Variants in ASCC3 observed in about 807,000 individuals in gnomAD.
ASCC3 encodes the protein activating signal cointegrator 1 complex subunit 3.
A neutral mutation model predicts 256.3 loss-of-function variants in ASCC3; 158 were observed. The observed-to-expected ratio is 0.62, with a 90% confidence interval of 0.54 to 0.70. ASCC3 has a LOEUF of 0.70. ASCC3 is among the 30% of genes least tolerant of loss of function. ASCC3 has a pLI of 0.00. For missense variants in ASCC3, 2,259 were observed against 2,626.0 expected, an observed-to-expected ratio of 0.86 and a Z score of 3.05; for synonymous variants, 948 against 883.4, an observed-to-expected ratio of 1.07 and a Z score of -1.30.
chr6:100,608,435 A>AC lies in ASCC3; in HGVS notation c.4786-1348dup, dbSNP rs1773128651. Reference sequence around the variant, plus strand: ...TACCTTATATATATTTTATATATATACTTTATATATATTTTATATATATAT... The same window carrying AC: ...TACCTTATATATATTTTATATATATACCTTTATATATATTTTATATATATAT... On this transcript the variant is annotated intron_variant, in intron 30 of 41. Transcript: ENST00000369162. 9.8e-5 allele frequency among the ~76,000 whole-genome samples: 6 copies of AC among 61,018 alleles called. 1 individual carries two copies. Among genetic ancestry groups the AC allele is most frequent in the African/African-American group, 4.2e-4 (5 of 11,808 alleles). The allele number at this position is 61,018 out of a possible 152,430, so 40.0% of individuals were successfully genotyped here.
At chr6:100,805,615 C>A in intron 5 of ASCC3, 145 bp downstream of exon 5, 1 of 1,021,436 alleles carries the variant, frequency 9.8e-7, no homozygotes, top group Non-Finnish European at 1.4e-6. Context: ...TCATAATATG[C>A]CATATCTAAA....
chr6:100,589,659 G>T lies in ASCC3; in HGVS notation c.5525C>A (p.Thr1842Asn), dbSNP rs772272454. ...ACTTAGAATTGAAAGCAGTTCTTCA[G>T]TACTGCATTCAGGCTTCAAGCGGTC... ...FKDRLKPECS[T>N]EELLSILSDA... The change falls in exon 36 of 42, where the codon ACT (threonine) becomes AAT (asparagine). Residue 1842 changes from threonine (T) to asparagine (N), a missense_variant. Thr to Asn is a moderately conservative substitution (Grantham distance 65). Around this residue, in one of 2 missense-constraint regions of ASCC3, gnomAD observed 1,839 missense variants for 2,206.7 expected, o/e 0.83. Transcript: ENST00000369162. 13 of 1,613,620 alleles carry T rather than the reference G, an allele frequency of 8.1e-6. No individual in the cohort carries two copies. The highest frequency in any genetic ancestry group is 1.1e-5 in the Non-Finnish European group (13 of 1,179,776).
chr6:100,674,935 A>G (rs1256229132), intron 14 of ASCC3, among the ~76,000 whole-genome samples: 1 of 152,084 alleles, frequency 6.6e-6, no homozygotes, highest in Non-Finnish European at 1.5e-5. Context: ...ACTGGCCACA[A>G]AAATCTTAAA....
chr6:100,524,102 A>T (rs1449700733), intron 37 of ASCC3, among the ~76,000 whole-genome samples: 1 of 152,160 alleles, frequency 6.6e-6, no homozygotes, highest in East Asian at 1.9e-4. Flanking sequence ...ATGGTAAACA[A>T]ATGATGAAGT....
intron 1 of ASCC3, among the ~76,000 whole-genome samples, chr6:100,876,515 A>T (rs1156666260): frequency 6.6e-6 from 1 of 152,228 alleles, no homozygotes; most frequent in African/African-American, 2.4e-5. Flanking sequence ...GATAAGGGTT[A>T]TTAAGTGCTT....
At chr6:100,753,551 G>C (rs372699956) in intron 10 of ASCC3, among the ~76,000 whole-genome samples, 1 of 151,116 alleles carries the variant, frequency 6.6e-6, no homozygotes, top group African/African-American at 2.4e-5. Context: ...GCCTAAGCTG[G>C]AGTGCAGTGG....
At chr6:100,775,084 T>C (rs973619337) in intron 8 of ASCC3, among the ~76,000 whole-genome samples, 2 of 152,148 alleles carry the variant, frequency 1.3e-5, no homozygotes, top group African/African-American at 4.8e-5. Context: ...ATTTACCAAG[T>C]TACTAAATGA....
chr6:100,540,136 C>T, intron 37 of ASCC3, 27 bp downstream of exon 37: 3 of 1,571,168 alleles, frequency 1.9e-6, no homozygotes, highest in Non-Finnish European at 2.6e-6. Flanking sequence ...AGAAAACACA[C>T]ATAGGTATTA....
At chr6:100,629,383 G>A (rs1207609322) in intron 26 of ASCC3, among the ~76,000 whole-genome samples, 1 of 151,966 alleles carries the variant, frequency 6.6e-6, no homozygotes, top group Non-Finnish European at 1.5e-5. Flanking sequence ...ATAAAATGAA[G>A]GTCATATAAA....
chr6:100,875,955 AT>A (rs1356974141), intron 1 of ASCC3, among the ~76,000 whole-genome samples: 1 of 152,222 alleles, frequency 6.6e-6, no homozygotes, highest in Non-Finnish European at 1.5e-5. Flanking sequence ...AAATACTGAA[AT>A]AATGTGGTTT....
intron 1 of ASCC3, among the ~76,000 whole-genome samples, chr6:100,873,926 G>A (rs1773866012): frequency 6.6e-6 from 1 of 152,116 alleles, no homozygotes; most frequent in Middle Eastern, 3.2e-3. Flanking sequence ...AGCTCCCTGA[G>A]ATCTTATCAA....
intron 4 of ASCC3, among the ~76,000 whole-genome samples, chr6:100,828,648 A>G (rs946188467): frequency 4.6e-5 from 7 of 151,968 alleles, no homozygotes; most frequent in South Asian, 2.1e-4. Context: ...TGAGTGTTAC[A>G]GCTCTTAAGG....
chr6:100,605,443 T>C, intron 33 of ASCC3, 125 bp downstream of exon 33: 1 of 711,378 alleles, frequency 1.4e-6, no homozygotes, highest in Non-Finnish European at 2.3e-6. Context: ...AATTATATTG[T>C]TTCACATTAT....
chr6:100,708,674 C>T (rs1018322610), intron 13 of ASCC3, among the ~76,000 whole-genome samples: 20 of 152,036 alleles, frequency 1.3e-4, no homozygotes, highest in Non-Finnish European at 2.4e-4. Context: ...ACACACCCTC[C>T]ATCCCCCAAA....
chr6:100,518,640 A>C (rs1774153448), intron 37 of ASCC3, among the ~76,000 whole-genome samples: 1 of 152,126 alleles, frequency 6.6e-6, no homozygotes, highest in Admixed American at 6.6e-5. Flanking sequence ...ATAATACACC[A>C]CACCACACAC....
In ASCC3 at chr6:100,799,589, A is replaced by G. The variant is rs1458316129; in HGVS notation, c.1128-17T>C. ...GCCTGTTCTCTGTAAACATAAAAAT[A>G]GGCCTAATTTGAAATGTTTATCTTG... On this transcript the variant is annotated splice_polypyrimidine_tract_variant and intron_variant, in intron 6 of 41. Transcript: ENST00000369162. 6.2e-7 allele frequency: 1 copy of G among 1,609,484 alleles called. No homozygotes were observed.
intron 3 of ASCC3, chr6:100,858,901 C>T (rs1378273557): frequency 5.6e-6 from 3 of 536,174 alleles, no homozygotes. Context: ...TCATACATTA[C>T]ATTTTGATTA....
intron 30 of ASCC3, among the ~76,000 whole-genome samples, chr6:100,608,108 GTATATATATC>G (rs1198028688): frequency 6.9e-5 from 8 of 115,764 alleles, no homozygotes; most frequent in African/African-American, 2.0e-4. Flanking sequence ...ACATATATAT[GTATATATATC>G]TATATATACA....
At chr6:100,676,866 T>TTAA (rs1329094409) in intron 14 of ASCC3, among the ~76,000 whole-genome samples, 1 of 152,176 alleles carries the variant, frequency 6.6e-6, no homozygotes, top group Non-Finnish European at 1.5e-5. Context: ...AAGAAGTGCT[T>TTAA]TTAAAGATCT....
Sources: gnomAD v4.1 joint callset for allele counts (sites outside exome capture counted in the v4.1 genomes callset) on GRCh38, gnomAD v4.1.1 for gene constraint, gnomAD v4.1.1 regional missense constraint, MANE v1.5 for transcripts, NCBI Gene and HGNC (gene_info 2026-07-23, HGNC 2026-07-21) for gene names.